The following LAMA4 variants were observed in gnomAD, a reference collection of about 807,000 sequenced individuals.
The protein encoded by LAMA4 is laminin subunit alpha 4.
LAMA4 carries 127 observed loss-of-function variants against 207.1 expected under a neutral mutation model. That is an observed-to-expected ratio of 0.61 (90% confidence interval 0.53 to 0.71). LAMA4 has a LOEUF of 0.71. Ranked by LOEUF, LAMA4 falls within the 30% of genes least tolerant of loss-of-function variation. LAMA4 has a pLI of 0.00. For missense variants in LAMA4, 2,093 were observed against 2,246.5 expected (o/e 0.93, Z 1.38); for synonymous variants, 761 against 816.0 (o/e 0.93, Z 1.15).
chr6:112,252,162 A>G (rs937108480), intron 2 of LAMA4, among the ~76,000 whole-genome samples: 3 of 152,228 alleles, frequency 2.0e-5, no homozygotes, highest in Non-Finnish European at 4.4e-5. Flanking sequence ...TCATTACAAT[A>G]AAAGTATGAG....
intron 16 of LAMA4, among the ~76,000 whole-genome samples, chr6:112,154,357 C>CAAAAAAAAA (rs55988988): frequency 4.0e-4 from 48 of 120,178 alleles, no homozygotes; most frequent in Non-Finnish European, 5.1e-4. Context: ...ACACAAACTA[C>CAAAAAAAAA]AAAAAAAAAA....
intron 31 of LAMA4, among the ~76,000 whole-genome samples, chr6:112,125,069 A>G (rs1353206215): frequency 6.6e-6 from 1 of 152,154 alleles, no homozygotes; most frequent in Non-Finnish European, 1.5e-5. Context: ...TAAACAATCT[A>G]AGATAGGATA....
chr6:112,217,711 T>C (rs1583920552), intron 2 of LAMA4: 1 of 152,082 alleles, frequency 6.6e-6, no homozygotes, highest in African/African-American at 2.4e-5. Context: ...CATTTGTCTA[T>C]GAAAAAAAGG....
chr6:112,161,170 TATCACTTCCTTTTTGAGGCC>T (rs1186485528), intron 13 of LAMA4, among the ~76,000 whole-genome samples: 1 of 152,256 alleles, frequency 6.6e-6, no homozygotes, highest in Non-Finnish European at 1.5e-5. Flanking sequence ...TCAGCTCAAA[TATCACTTCCTTTTTGAGGCC>T]ATCCCTAACC....
intron 25 of LAMA4, 87 bp from the exon 26 acceptor site, chr6:112,134,696 A>G (rs1779230681): frequency 9.3e-7 from 1 of 1,076,730 alleles, no homozygotes; most frequent in Non-Finnish European, 1.4e-6. Flanking sequence ...TTCTCCTGGT[A>G]TACTAGCTGT....
At chr6:112,243,466 A>C (rs1161075428) in intron 2 of LAMA4, among the ~76,000 whole-genome samples, 1 of 152,164 alleles carries the variant, frequency 6.6e-6, no homozygotes, top group Non-Finnish European at 1.5e-5. Flanking sequence ...AGAAGTAATC[A>C]GTTTTAATTT....
chr6:112,212,864 T>C (rs1784427895), intron 3 of LAMA4, among the ~76,000 whole-genome samples: 1 of 152,192 alleles, frequency 6.6e-6, no homozygotes, highest in African/African-American at 2.4e-5. Context: ...TCCTTAGTCT[T>C]ACAGGGACTT....
chr6:112,180,636 G>T (rs1053337966), intron 9 of LAMA4, among the ~76,000 whole-genome samples: 1 of 152,290 alleles, frequency 6.6e-6, no homozygotes, highest in Middle Eastern at 3.4e-3. Flanking sequence ...CATAAAAGTG[G>T]CAAGGATGTC....
intron 12 of LAMA4, among the ~76,000 whole-genome samples, chr6:112,168,270 G>A (rs944523136): frequency 6.6e-6 from 1 of 151,172 alleles, no homozygotes; most frequent in Non-Finnish European, 1.5e-5. Context: ...ATGAAGCCTG[G>A]TGATCATTCC....
chr6:112,222,913 T>G (rs1304833648), intron 2 of LAMA4, among the ~76,000 whole-genome samples: 3 of 152,334 alleles, frequency 2.0e-5, no homozygotes, highest in African/African-American at 7.2e-5. Context: ...TATTTATTAA[T>G]ACTAATGAAC....
At position 112,142,151 on chromosome 6, in the gene LAMA4, C is replaced by G. The variant is rs371253565; in HGVS notation, c.2635G>C (p.Asp879His). ...CTTCCGAGGTACAGGATAAACTGAT[C>G]TGCAGTCTCGGTCAGTTCCGGCCGC... The part of the protein sequence containing the change: ...VKRPELTETA[D>H]QFILYLGSKN... The change falls in exon 20 of 39, where the codon GAT (aspartate) becomes CAT (histidine). Residue 879 changes from aspartate (D) to histidine (H), a missense_variant. Physicochemically the swap from Asp to His is moderately conservative, Grantham distance 81. Transcript: ENST00000230538. 7 of 1,614,020 alleles carry G rather than the reference C, an allele frequency of 4.3e-6. No individual in the cohort carries two copies. In the African/African-American group the frequency reaches 8.0e-5, roughly 18 times the overall value.
intron 19 of LAMA4, among the ~76,000 whole-genome samples, chr6:112,144,592 T>A (rs1779902678): frequency 6.6e-6 from 1 of 152,222 alleles, no homozygotes; most frequent in South Asian, 2.1e-4. Flanking sequence ...CAGAGTCTGA[T>A]CTATTGCTTT....
At chr6:112,230,722 G>C (rs912958704) in intron 2 of LAMA4, among the ~76,000 whole-genome samples, 2 of 152,030 alleles carry the variant, frequency 1.3e-5, no homozygotes, top group African/African-American at 4.8e-5. Flanking sequence ...TTTCTTCCTT[G>C]GAAGACTTAA....
intron 13 of LAMA4, among the ~76,000 whole-genome samples, chr6:112,162,772 C>T (rs1375917029): frequency 2.6e-5 from 4 of 152,096 alleles, no homozygotes; most frequent in African/African-American, 7.2e-5. Flanking sequence ...GAGTTTGGAA[C>T]TCCGTGGAGG....
intron 12 of LAMA4, chr6:112,171,733 G>C (rs1195090267): frequency 3.3e-5 from 5 of 152,962 alleles, no homozygotes; most frequent in African/African-American, 1.2e-4. Flanking sequence ...TATTGGCTAG[G>C]GGTTTGCTCC....
At chr6:112,189,004 G>GGAC in intron 7 of LAMA4, 106 bp downstream of exon 7, 1 of 812,124 alleles carries the variant, frequency 1.2e-6, no homozygotes, top group South Asian at 1.5e-5. Context: ...TCCAGGGGTG[G>GGAC]GACTCAGCAG....
In LAMA4 at chr6:112,187,469, G is replaced by A. The variant is rs781962902; in HGVS notation, c.947C>T (p.Ala316Val). 1 of 1,614,116 alleles carries A rather than the reference G, an allele frequency of 6.2e-7. No individual in the cohort carries two copies. Among genetic ancestry groups the A allele is most frequent in the Non-Finnish European group, 8.5e-7 (1 of 1,180,012 alleles). The change falls in exon 8 of 39, where the codon GCC (alanine) becomes GTC (valine). Residue 316 changes from alanine (A) to valine (V), a missense_variant. Physicochemically the swap from Ala to Val is moderately conservative, Grantham distance 64. Around this residue, in one of 3 missense-constraint regions of LAMA4, gnomAD observed 1,704 missense variants for 1,788.4 expected, o/e 0.95. Coordinates refer to ENST00000230538, the MANE Select transcript of LAMA4 (RefSeq NM_001105206.3). ...GCGTACTTTGAGGAGGTAGATGGTGGCGTTGATTTCATTCACGTGCCTATG... is the reference window on the plus strand; with the variant it reads ...GCGTACTTTGAGGAGGTAGATGGTGACGTTGATTTCATTCACGTGCCTATG... The part of the protein sequence containing the change: ...AAHRHVNEIN[A>V]TIYLLKTKLS...
intron 5 of LAMA4, among the ~76,000 whole-genome samples, chr6:112,200,854 G>C (rs1028081449): frequency 6.6e-5 from 10 of 152,060 alleles, no homozygotes; most frequent in Non-Finnish European, 1.2e-4. Context: ...GGCACAGGGA[G>C]GGGAACATCA....
chr6:112,192,498 G>C (rs1783177411), intron 5 of LAMA4, among the ~76,000 whole-genome samples: 1 of 152,208 alleles, frequency 6.6e-6, no homozygotes, highest in South Asian at 2.1e-4. Flanking sequence ...TGGCAGAGCT[G>C]AGAGTACCAC....
Sources: gnomAD v4.1 joint callset for allele counts (sites outside exome capture counted in the v4.1 genomes callset) on GRCh38, gnomAD v4.1.1 for gene constraint, gnomAD v4.1.1 regional missense constraint, MANE v1.5 for transcripts, NCBI Gene and HGNC (gene_info 2026-07-23, HGNC 2026-07-21) for gene names.